PGK1: variants seen among roughly 807,000 people sequenced by gnomAD.
PGK1 encodes the protein phosphoglycerate kinase 1, also known as PRP 2.
Under a neutral mutation model 26.9 loss-of-function variants are expected in PGK1, and 3 were observed. That is an observed-to-expected ratio of 0.11 (90% confidence interval 0.05 to 0.29). The LOEUF (loss-of-function observed/expected upper bound fraction) is 0.29. Among genes scored for constraint, PGK1 ranks in the 10% least tolerant of loss-of-function variants. The probability of loss-of-function intolerance (pLI) is 1.00; values close to 1 mark genes in which losing one functional copy is unlikely to be tolerated. For synonymous variants in PGK1, 125 were observed against 115.3 expected, an observed-to-expected ratio of 1.08 and a Z score of -0.54; for missense variants, 270 against 314.7, an observed-to-expected ratio of 0.86 and a Z score of 1.07.
intron 4 of PGK1, among the ~76,000 whole-genome samples, chrX:78,115,681 T>C (rs1557247390): frequency 8.9e-6 from 1 of 111,810 alleles, no homozygotes. Flanking sequence ...AAAGTGAGGA[T>C]ATGAGGACAT....
intron 4 of PGK1, among the ~76,000 whole-genome samples, chrX:78,115,635 C>T (rs781934629): frequency 1.8e-5 from 2 of 111,767 alleles, no homozygotes; most frequent in South Asian, 3.8e-4. Context: ...GCCTGGGCAA[C>T]AGAGCAAGAC....
rs782657634 is a variant in PGK1, at chrX:78,114,464, T to TG, written c.417+305dup. On this transcript the variant is annotated intron_variant, in intron 4 of 10. Transcript: ENST00000373316. ...GAGTATTCAGTGAATATGATGGTCA[T>TG]GATGATGTCACCTTGGATTTAAGGC... 2.7e-5 allele frequency among the ~76,000 whole-genome samples: 3 copies of TG among 111,880 alleles called. No homozygotes were observed. The East Asian group carries it at 8.4e-4, about 31-fold the overall frequency.
chrX:78,106,123 C>T (rs782532420), intron 1 of PGK1, among the ~76,000 whole-genome samples: 16 of 111,589 alleles, frequency 1.4e-4, no homozygotes, highest in African/African-American at 4.9e-4. Flanking sequence ...ATTGGAGGAG[C>T]TGCTTAACTT....
intron 6 of PGK1, 87 bp downstream of exon 6, chrX:78,118,257 A>C: frequency 6.2e-6 from 6 of 967,476 alleles, no homozygotes; most frequent in African/African-American, 1.9e-5. Context: ...CATATAGCTC[A>C]GTCACACTGG....
rs2078390431 is a variant in PGK1 at position 78,128,013 on chromosome X, C to A, written c.*2183C>A. 1 of 112,309 alleles carries A rather than the reference C, an allele frequency of 8.9e-6. No individual in the cohort carries two copies. Among genetic ancestry groups the A allele is most frequent in the Non-Finnish European group, 1.9e-5 (1 of 53,316 alleles). 9.3% of individuals were successfully genotyped at this position (112,309 alleles called of 1,213,427 possible). On this transcript the variant is annotated 3_prime_UTR_variant, in exon 11 of 11. Coordinates refer to ENST00000373316, the MANE Select transcript of PGK1 (RefSeq NM_000291.4). ...ATCTATCCAACAATCTCTGACTGTA[C>A]CTTTTAAGTACTTTCTACTGGACTG... is the stretch of plus-strand genomic sequence containing the variant.
Position 78,122,409 on chromosome X carries a change from T to TTGTGTGTGTG in PGK1, c.642-392_642-383dup, listed in dbSNP as rs201442984. Reference sequence around the variant, plus strand: ...AATTAGCAATCTTGATGCTCTGAATTTGTGTGTGTGTGTGTGTGTGTGTGT... The same window carrying TTGTGTGTGTG: ...AATTAGCAATCTTGATGCTCTGAATTTGTGTGTGTGTGTGTGTGTGTGTGTGTGTGTGTGT... On this transcript the variant is annotated intron_variant, in intron 6 of 10. Transcript: ENST00000373316. Among the ~76,000 whole-genome samples, 143 of 88,963 alleles carry TTGTGTGTGTG rather than the reference T, an allele frequency of 1.6e-3. 1 individual carries two copies. The highest frequency in any genetic ancestry group is 6.0e-3 in the African/African-American group (136 of 22,758). The allele number at this position is 88,963 out of a possible 115,157, so 77.3% of individuals were successfully genotyped here.
intron 1 of PGK1, among the ~76,000 whole-genome samples, chrX:78,108,606 C>T (rs2078283691): frequency 8.9e-6 from 1 of 111,769 alleles, no homozygotes; most frequent in African/African-American, 3.3e-5. Context: ...AATTGGTGGT[C>T]TTCTCAGTAT....
In PGK1 at chrX:78,118,104, A is replaced by T. The variant is rs782204187; in HGVS notation, c.575A>T (p.Lys192Met). ...PQKAGGFLMK[K>M]ELNYFAKALE... The stretch of plus-strand genomic sequence containing the variant: ...AAGGCTGGTGGGTTTTTGATGAAGA[A>T]GGAGCTGAACTACTTTGCAAAGGCC... The change falls in exon 6 of 11, where the codon AAG becomes ATG. Residue 192 changes from lysine (K) to methionine (M), a missense_variant. Lys to Met is a moderately conservative substitution (Grantham distance 95). This residue lies in a region of PGK1 where 150 missense variants were observed against 154.6 expected (regional missense o/e 0.97). Coordinates refer to ENST00000373316, the MANE Select transcript of PGK1 (RefSeq NM_000291.4). The T allele has an allele frequency of 5.0e-6, 6 of 1,207,518 alleles. No individual in the cohort carries two copies. The highest frequency in any genetic ancestry group is 4.3e-5 in the Admixed American group (2 of 46,021).
At chrX:78,120,849 T>C (rs782590080) in intron 6 of PGK1, among the ~76,000 whole-genome samples, 26 of 112,240 alleles carry the variant, frequency 2.3e-4, no homozygotes, top group African/African-American at 8.1e-4. Flanking sequence ...TTACATAGGT[T>C]GAGTATCTTT....
intron 6 of PGK1, among the ~76,000 whole-genome samples, chrX:78,120,558 G>T (rs2078349953): frequency 9.1e-6 from 1 of 109,475 alleles, no homozygotes; most frequent in Non-Finnish European, 1.9e-5. Flanking sequence ...GCAGTGGCAT[G>T]ATCACAGCTC....
chrX:78,108,977 A>G (rs902541497), intron 1 of PGK1, among the ~76,000 whole-genome samples: 9 of 112,297 alleles, frequency 8.0e-5, no homozygotes, highest in African/African-American at 2.9e-4. Context: ...CATGGCAGGC[A>G]CAACTCTTAA....
intron 1 of PGK1, among the ~76,000 whole-genome samples, chrX:78,108,932 T>C (rs1228910491): frequency 8.9e-6 from 1 of 112,050 alleles, no homozygotes; most frequent in Non-Finnish European, 1.9e-5. Context: ...GTAGATACTG[T>C]CATCCCGATG....
chrX:78,112,217 G>T (rs2078304929), intron 2 of PGK1, among the ~76,000 whole-genome samples: 1 of 111,348 alleles, frequency 9.0e-6, no homozygotes, highest in Non-Finnish European at 1.9e-5. Flanking sequence ...TATATTACAT[G>T]TACGCACACA....
intron 6 of PGK1, among the ~76,000 whole-genome samples, chrX:78,119,296 A>G (rs2078342165): frequency 8.9e-6 from 1 of 112,082 alleles, no homozygotes; most frequent in African/African-American, 3.2e-5. Flanking sequence ...GTAGATAATG[A>G]TTTTCCAATG....
Position 78,126,094 on chromosome X carries a change from G to A in PGK1, c.*264G>A, listed in dbSNP as rs1427359131. 2.6e-6 allele frequency: 1 copy of A among 386,235 alleles called. No homozygotes were observed. Among genetic ancestry groups the A allele is most frequent in the East Asian group, 4.1e-5 (1 of 24,111 alleles). 31.8% of individuals were successfully genotyped at this position (386,235 alleles called of 1,213,427 possible). On this transcript the variant is annotated 3_prime_UTR_variant, in exon 11 of 11. Transcript: ENST00000373316. ...TCTAGAGTGCATATATTTATATTTT[G>A]CCTGTTAAAAAGAAAGTGAGCAGTG...
rs1293655489 is a variant in PGK1, at chrX:78,127,635, AGATGCTTCTAGACTCTATCCCTGACAT to A, written c.*1820_*1846del. The stretch of plus-strand genomic sequence containing the variant: ...CCCTGACATGATGCTTCTAGGCTAT[AGATGCTTCTAGACTCTATCCCTGACAT>A]GATGCTTCTAGACTATTTTGTTTAA... On this transcript the variant is annotated 3_prime_UTR_variant, in exon 11 of 11. Transcript: ENST00000373316. 8.9e-6 allele frequency: 1 copy of A among 111,992 alleles called. No homozygotes were observed. Among genetic ancestry groups the A allele is most frequent in the African/African-American group, 3.2e-5 (1 of 30,802 alleles). 9.2% of individuals were successfully genotyped at this position (111,992 alleles called of 1,213,427 possible). A position where few individuals can be genotyped will look rare whatever the true frequency, so the allele number is the denominator to read the frequency against.
chrX:78,120,672 T>A (rs2078350498), intron 6 of PGK1, among the ~76,000 whole-genome samples: 2 of 110,282 alleles, frequency 1.8e-5, no homozygotes, highest in African/African-American at 6.6e-5. Flanking sequence ...TTTTTGAATC[T>A]TTTTGTAGAG....
intron 4 of PGK1, 65 bp downstream of exon 4, chrX:78,114,225 A>T: frequency 9.5e-7 from 1 of 1,055,028 alleles, no homozygotes; most frequent in South Asian, 1.9e-5. Flanking sequence ...CTGTGGTTGA[A>T]GAATAGAGAA....
chrX:78,123,475 T>G, intron 8 of PGK1, 101 bp downstream of exon 8: 22 of 655,696 alleles, frequency 3.4e-5, no homozygotes, highest in Non-Finnish European at 4.2e-5. Context: ...AAACAATCTC[T>G]ATAGGAGATC....
Sources: allele counts gnomAD v4.1 joint callset (sites outside exome capture counted in the v4.1 genomes callset), GRCh38; gene constraint gnomAD v4.1.1; regional missense constraint gnomAD v4.1.1; transcripts MANE v1.5; gene names NCBI Gene and HGNC (gene_info 2026-07-23, HGNC 2026-07-21).